YWHAE: variants seen among roughly 807,000 people sequenced by gnomAD.
YWHAE encodes the protein 14-3-3 protein epsilon.
YWHAE carries 4 observed loss-of-function variants against 30.1 expected under a neutral mutation model. The ratio of observed to expected loss-of-function variants is 0.13; its 90% CI spans 0.07 to 0.30. The LOEUF (loss-of-function observed/expected upper bound fraction) is 0.30. Among genes scored for constraint, YWHAE ranks in the 10% least tolerant of loss-of-function variants. The probability of loss-of-function intolerance (pLI) is 1.00; values close to 1 mark genes in which losing one functional copy is unlikely to be tolerated. For synonymous variants in YWHAE, 118 were observed against 111.8 expected (o/e 1.06, Z -0.35); for missense variants, 121 against 315.9 (o/e 0.38, Z 4.68).
Position 1,364,977 on chromosome 17 carries a change from T to C in YWHAE, c.146A>G (p.Tyr49Cys), listed in dbSNP as rs1473772229. ...TCTTCTAGCTCCAATCACATTCTTA[T>C]ATGCAACAGATAGGAGGTTTCTTTC... is the stretch of plus-strand genomic sequence containing the variant. ...VEERNLLSVA[Y>C]KNVIGARRAS... The change falls in exon 2 of 6, where the codon TAT (tyrosine) becomes TGT (cysteine). Residue 49 changes from tyrosine to cysteine, a missense_variant. Physicochemically the swap from Tyr to Cys is radical, Grantham distance 194 (BLOSUM62 -2). Coordinates refer to ENST00000264335, the MANE Select transcript of YWHAE (RefSeq NM_006761.5). 2.5e-6 allele frequency: 4 copies of C among 1,614,188 alleles called. No homozygotes were observed. The highest frequency in any genetic ancestry group is 1.1e-5 in the South Asian group (1 of 91,090).
chr17:1,351,475 T>C, intron 5 of YWHAE, among the ~76,000 whole-genome samples: 1 of 151,798 alleles, frequency 6.6e-6, no homozygotes, highest in Non-Finnish European at 1.5e-5. Flanking sequence ...TCCCCAGAGG[T>C]GAGAGGTGTA....
At chr17:1,372,130 G>A (rs1251354774) in intron 1 of YWHAE, among the ~76,000 whole-genome samples, 7 of 152,176 alleles carry the variant, frequency 4.6e-5, no homozygotes, top group Admixed American at 2.6e-4. Flanking sequence ...GAGCCACCGC[G>A]CTCAGCCGAC....
chr17:1,383,211 A>G (rs8075016), intron 1 of YWHAE, among the ~76,000 whole-genome samples: 74,449 of 150,892 alleles, frequency 0.49, 19,670 homozygotes, highest in African/African-American at 0.68. Flanking sequence ...TTAGACAGGC[A>G]TGGTGGCGCA....
At chr17:1,397,155 T>A (rs1438679104) in intron 1 of YWHAE, among the ~76,000 whole-genome samples, 1 of 152,200 alleles carries the variant, frequency 6.6e-6, no homozygotes, top group Non-Finnish European at 1.5e-5. Context: ...CGCCTCGACC[T>A]CCCAAGGTGC....
intron 1 of YWHAE, among the ~76,000 whole-genome samples, chr17:1,370,304 TGTA>T (rs1246871794): frequency 6.6e-6 from 1 of 151,386 alleles, no homozygotes; most frequent in Non-Finnish European, 1.5e-5. Flanking sequence ...TTTTTTTGTG[TGTA>T]TTTTTAGTAG....
At chr17:1,390,803 C>T (rs2073378141) in intron 1 of YWHAE, among the ~76,000 whole-genome samples, 1 of 152,118 alleles carries the variant, frequency 6.6e-6, no homozygotes, top group African/African-American at 2.4e-5. Context: ...ATCAAGCCCA[C>T]CAACAACAGA....
intron 2 of YWHAE, 161 bp downstream of exon 2, chr17:1,364,698 A>T: frequency 1.1e-6 from 1 of 928,184 alleles, no homozygotes; most frequent in Non-Finnish European, 1.6e-6. Flanking sequence ...GGGTAAGTTT[A>T]ACTTATAAAC....
At chr17:1,392,962 G>A (rs780073769) in intron 1 of YWHAE, among the ~76,000 whole-genome samples, 13 of 151,906 alleles carry the variant, frequency 8.6e-5, no homozygotes, top group Non-Finnish European at 1.8e-4. Context: ...CAGCACTTTG[G>A]GAGGCCAAGT....
At chr17:1,392,734 C>T (rs2073407367) in intron 1 of YWHAE, among the ~76,000 whole-genome samples, 1 of 151,936 alleles carries the variant, frequency 6.6e-6, no homozygotes, top group East Asian at 1.9e-4. Flanking sequence ...TCTGTAGTCT[C>T]AGCTACTCGG....
intron 1 of YWHAE, among the ~76,000 whole-genome samples, chr17:1,390,026 T>C (rs1335477169): frequency 6.6e-6 from 1 of 151,960 alleles, no homozygotes; most frequent in East Asian, 1.9e-4. Context: ...TATTTTTTAG[T>C]ATAGATGGGA....
chr17:1,381,640 G>A (rs997564118), intron 1 of YWHAE, among the ~76,000 whole-genome samples: 2 of 151,940 alleles, frequency 1.3e-5, no homozygotes, highest in African/African-American at 4.8e-5. Context: ...GGAAGGCCGA[G>A]CGCAAAGGCT....
chr17:1,350,807 C>G (rs529950894), intron 5 of YWHAE, among the ~76,000 whole-genome samples: 38 of 151,700 alleles, frequency 2.5e-4, no homozygotes, highest in African/African-American at 9.2e-4. Context: ...CGCCTGTAAT[C>G]CAAGCATTTT....
rs1333499464 is a variant in YWHAE, at chr17:1,361,160, G to C, written c.510C>G (p.Arg170=). The C allele has an allele frequency of 2.5e-6, 4 of 1,614,100 alleles. No homozygotes were observed. The highest frequency in any genetic ancestry group is 3.4e-6 in the Non-Finnish European group (4 of 1,180,022). Residue 170 remains arginine, a synonymous_variant, in exon 4 of 6, where the codon CGC becomes CGG. Coordinates refer to ENST00000264335, the MANE Select transcript of YWHAE (RefSeq NM_006761.5). ...MTELPPTHPI[R]LGLALNFSVF... is the part of the protein sequence containing the mutation. ...CGGAAAAATTGAGAGCAAGACCTAA[G>C]CGAATAGGATGCGTTGGTGGAAGTT...
At chr17:1,357,788 A>G (rs1170456601) in intron 4 of YWHAE, among the ~76,000 whole-genome samples, 6 of 148,810 alleles carry the variant, frequency 4.0e-5, no homozygotes, top group Admixed American at 6.7e-5. Flanking sequence ...TTAGCTGGGT[A>G]TGGTGGCGGG....
intron 4 of YWHAE, among the ~76,000 whole-genome samples, chr17:1,354,979 T>TTTTG: frequency 1.3e-5 from 1 of 74,454 alleles, no homozygotes; most frequent in South Asian, 3.5e-4. Context: ...TTTTTTTTTT[T>TTTTG]TTTTTTTTTT....
intron 5 of YWHAE, chr17:1,348,032 G>A: frequency 2.0e-6 from 2 of 999,644 alleles, no homozygotes; most frequent in Non-Finnish European, 2.4e-6. Flanking sequence ...AAAAAGGGAG[G>A]GAGAACAATC....
chr17:1,352,132 T>C (rs780575632), intron 5 of YWHAE: 2 of 152,116 alleles, frequency 1.3e-5, no homozygotes, highest in Non-Finnish European at 2.9e-5. Flanking sequence ...TGGTAAATTA[T>C]TTCTGAGTCC....
At chr17:1,389,311 C>G (rs966949092) in intron 1 of YWHAE, among the ~76,000 whole-genome samples, 6 of 152,136 alleles carry the variant, frequency 3.9e-5, no homozygotes, top group Non-Finnish European at 8.8e-5. Context: ...TAAAGGTGTT[C>G]ACAACAACCA....
intron 1 of YWHAE, among the ~76,000 whole-genome samples, chr17:1,388,107 TTTTTTGGTTGG>T (rs1345779389): frequency 0.031 from 1,419 of 46,376 alleles, 219 homozygotes; most frequent in African/African-American, 0.08. Context: ...TTTTGTTTTT[TTTTTTGGTTGG>T]TTTTTTTTTT....
Sources: allele counts gnomAD v4.1 joint callset (sites outside exome capture counted in the v4.1 genomes callset), GRCh38; gene constraint gnomAD v4.1.1; transcripts MANE v1.5; gene names NCBI Gene and HGNC (gene_info 2026-07-23, HGNC 2026-07-21).